Variants in MEI4 observed in about 807,000 individuals in gnomAD.
The protein encoded by MEI4 is meiotic double-stranded break formation protein 4.
Under a neutral mutation model 31.4 loss-of-function variants are expected in MEI4, and 27 were observed. The observed-to-expected ratio is 0.86, with a 90% CI of 0.63 to 1.19. MEI4 has a LOEUF of 1.19. MEI4 is among the 50% of genes most tolerant of loss of function. MEI4 has a pLI of 0.00. For synonymous variants in MEI4, 122 were observed against 145.4 expected (o/e 0.84, Z 1.16); for missense variants, 329 against 398.9 (o/e 0.82, Z 1.49).
chr6:77,839,506 G>A (rs1260431711), intron 4 of MEI4, among the ~76,000 whole-genome samples: 1 of 152,146 alleles, frequency 6.6e-6, no homozygotes, highest in Non-Finnish European at 1.5e-5. Context: ...ACCTGTGTGA[G>A]ACAGACTCCA....
At chr6:77,704,883 T>C (rs1766298455) in intron 2 of MEI4, among the ~76,000 whole-genome samples, 1 of 152,114 alleles carries the variant, frequency 6.6e-6, no homozygotes, top group Non-Finnish European at 1.5e-5. Context: ...CTGAAAGATT[T>C]CTCAGTACCA....
chr6:77,815,204 A>AGACAG (rs1769661777), intron 3 of MEI4, among the ~76,000 whole-genome samples: 1 of 152,104 alleles, frequency 6.6e-6, no homozygotes, highest in Non-Finnish European at 1.5e-5. Context: ...TCAGTCACAC[A>AGACAG]GACAGGCTTT....
chr6:77,736,826 A>G lies in MEI4; in HGVS notation c.233-24304A>G, dbSNP rs544973101. 6.5e-4 allele frequency among the ~76,000 whole-genome samples: 99 copies of G among 151,314 alleles called. 1 individual carries two copies. The highest frequency in any genetic ancestry group is 1.2e-3 in the Non-Finnish European group (84 of 67,992). ...AGAAAGATACTAACGTTCAGAGGAG[A>G]GAAAGTGATTATTTTGTCTTAGAGA... On this transcript the variant is annotated intron_variant, in intron 2 of 4. Coordinates refer to ENST00000684080, the MANE Select transcript of MEI4 (RefSeq NM_001322247.2).
intron 4 of MEI4, among the ~76,000 whole-genome samples, chr6:77,910,388 A>C (rs1766405533): frequency 6.6e-6 from 1 of 152,196 alleles, no homozygotes. Context: ...ATGTGCAAAA[A>C]TCACAAGCAT....
rs147857730 is a variant in MEI4 at position 77,804,510 on chromosome 6, T to C, written c.769-24421T>C. On this transcript the variant is annotated intron_variant, in intron 3 of 4. Coordinates refer to ENST00000684080, the MANE Select transcript of MEI4 (RefSeq NM_001322247.2). Reference sequence around the variant, plus strand: ...CAGTGAGATGAACCTGGTACCTCAGTTGGAAATGCAGAAATCACCCGTCTT... The same window carrying C: ...CAGTGAGATGAACCTGGTACCTCAGCTGGAAATGCAGAAATCACCCGTCTT... Among the ~76,000 whole-genome samples the C allele has an allele frequency of 5.1e-4, 77 of 152,276 alleles. 2 individuals are homozygous for C. The highest frequency in any genetic ancestry group is 1.3e-3 in the African/African-American group (56 of 41,568).
intron 2 of MEI4, among the ~76,000 whole-genome samples, chr6:77,701,929 G>A (rs930911857): frequency 1.3e-5 from 2 of 152,050 alleles, no homozygotes; most frequent in Non-Finnish European, 2.9e-5. Context: ...ATGACTTTGG[G>A]AGCTTCCTGA....
intron 2 of MEI4, among the ~76,000 whole-genome samples, chr6:77,733,221 C>T (rs1032252992): frequency 3.3e-5 from 5 of 151,902 alleles, no homozygotes; most frequent in East Asian, 1.9e-4. Context: ...CCTCCTAGTA[C>T]CTCTGGTAGA....
intron 1 of MEI4, among the ~76,000 whole-genome samples, chr6:77,662,439 A>C (rs1183215310): frequency 1.3e-5 from 2 of 152,194 alleles, no homozygotes; most frequent in Non-Finnish European, 2.9e-5. Context: ...GCCGGATTGA[A>C]GTCCAGACCA....
At chr6:77,891,683 C>T (rs1771772612) in intron 4 of MEI4, among the ~76,000 whole-genome samples, 1 of 151,860 alleles carries the variant, frequency 6.6e-6, no homozygotes, top group Non-Finnish European at 1.5e-5. Flanking sequence ...GTCATGTTTC[C>T]TTGCTTTTTC....
intron 4 of MEI4, among the ~76,000 whole-genome samples, chr6:77,891,223 T>A (rs1771759889): frequency 6.6e-6 from 1 of 152,198 alleles, no homozygotes; most frequent in Non-Finnish European, 1.5e-5. Flanking sequence ...ATTTGTTAAA[T>A]ATGTTTTCTA....
At chr6:77,801,278 A>G (rs981127855) in intron 3 of MEI4, among the ~76,000 whole-genome samples, 2 of 152,088 alleles carry the variant, frequency 1.3e-5, no homozygotes, top group African/African-American at 2.4e-5. Context: ...GTTTATTTGC[A>G]TAGAGGTGTT....
At chr6:77,834,079 T>G (rs1307679688) in intron 4 of MEI4, among the ~76,000 whole-genome samples, 1 of 152,162 alleles carries the variant, frequency 6.6e-6, no homozygotes, top group African/African-American at 2.4e-5. Context: ...AGCTCCAACC[T>G]GGACCCCATT....
At chr6:77,754,856 A>G (rs978836223) in intron 2 of MEI4, among the ~76,000 whole-genome samples, 2 of 152,168 alleles carry the variant, frequency 1.3e-5, no homozygotes, top group African/African-American at 4.8e-5. Flanking sequence ...ACTCACTGTC[A>G]TGAGAACGAC....
At chr6:77,764,370 G>C (rs987754744) in intron 3 of MEI4, among the ~76,000 whole-genome samples, 1 of 151,828 alleles carries the variant, frequency 6.6e-6, no homozygotes, top group African/African-American at 2.4e-5. Context: ...CTCTAGCCAA[G>C]GGTTGTCAAT....
chr6:77,810,452 T>C (rs1039820149), intron 3 of MEI4, among the ~76,000 whole-genome samples: 9 of 151,978 alleles, frequency 5.9e-5, no homozygotes, highest in African/African-American at 1.9e-4. Flanking sequence ...TATTTAAGAG[T>C]ATGATCATAC....
intron 4 of MEI4, among the ~76,000 whole-genome samples, chr6:77,852,795 C>A (rs1462527576): frequency 6.6e-6 from 1 of 151,858 alleles, no homozygotes; most frequent in Non-Finnish European, 1.5e-5. Flanking sequence ...CCAAAAGGCC[C>A]CATGTCCTAA....
At chr6:77,858,517 A>C (rs552268592) in intron 4 of MEI4, among the ~76,000 whole-genome samples, 1 of 152,190 alleles carries the variant, frequency 6.6e-6, no homozygotes, top group East Asian at 1.9e-4. Flanking sequence ...TTTTTCATTT[A>C]ATTATAATTC....
chr6:77,837,055 A>G (rs1770234783), intron 4 of MEI4, among the ~76,000 whole-genome samples: 1 of 152,032 alleles, frequency 6.6e-6, no homozygotes, highest in African/African-American at 2.4e-5. Context: ...CCCCCAAAAT[A>G]CCCTATTGGC....
chr6:77,803,325 G>C (rs985256166), intron 3 of MEI4, among the ~76,000 whole-genome samples: 1 of 152,038 alleles, frequency 6.6e-6, no homozygotes, highest in Non-Finnish European at 1.5e-5. Context: ...AGCTCCATCA[G>C]GTCCTTTAAG....
Sources: gnomAD v4.1 joint callset for allele counts (sites outside exome capture counted in the v4.1 genomes callset) on GRCh38, gnomAD v4.1.1 for gene constraint, MANE v1.5 for transcripts, NCBI Gene and HGNC (gene_info 2026-07-23, HGNC 2026-07-21) for gene names.